Variants in HYCC1 observed in about 807,000 individuals in gnomAD.
HYCC1 encodes the protein hyccin.
the HYCC1 span, among the ~76,000 whole-genome samples, chr7:22,981,454 G>A: frequency 6.6e-6 from 1 of 152,088 alleles, no homozygotes; most frequent in South Asian, 2.1e-4. Context: ...AACAGCAAAA[G>A]GGAGGTTAAA....
chr7:22,947,211 C>A, the HYCC1 span: 1 of 1,549,844 alleles, frequency 6.5e-7, no homozygotes, highest in East Asian at 2.4e-5. Flanking sequence ...GACAAGGATG[C>A]CCAATTCAGT....
At chr7:22,969,282 C>T in the HYCC1 span, among the ~76,000 whole-genome samples, 1 of 151,418 alleles carries the variant, frequency 6.6e-6, no homozygotes, top group South Asian at 2.1e-4. Flanking sequence ...TCAAGTGACT[C>T]TCATGCCCCA....
chr7:23,003,036 T>C, the HYCC1 span, among the ~76,000 whole-genome samples: 1 of 152,188 alleles, frequency 6.6e-6, no homozygotes, highest in Non-Finnish European at 1.5e-5. Flanking sequence ...CCCATCCTAA[T>C]TACCTCATTT....
At chr7:22,984,000 C>T in the HYCC1 span, 1 of 1,609,366 alleles carries the variant, frequency 6.2e-7, no homozygotes, top group Non-Finnish European at 8.5e-7. Flanking sequence ...GAACTCTTGT[C>T]TTTCAAATTT....
chr7:22,937,857 GA>G, the HYCC1 span: 23 of 152,188 alleles, frequency 1.5e-4, no homozygotes, highest in Admixed American at 1.5e-3. Context: ...AGAAGCTACA[GA>G]AATCTTTGCG....
the HYCC1 span, among the ~76,000 whole-genome samples, chr7:22,923,277 T>C: frequency 0.2 from 29,846 of 152,062 alleles, 3,485 homozygotes; most frequent in Non-Finnish European, 0.27. Context: ...TTCACAAATA[T>C]GTAGAAATAA....
the HYCC1 span, among the ~76,000 whole-genome samples, chr7:22,954,080 C>T: frequency 6.6e-6 from 1 of 151,450 alleles, no homozygotes; most frequent in Non-Finnish European, 1.5e-5. Context: ...TGCTTCTTAA[C>T]TGTTAGCAAC....
the HYCC1 span, among the ~76,000 whole-genome samples, chr7:22,964,733 G>C: frequency 6.6e-6 from 1 of 152,134 alleles, no homozygotes; most frequent in African/African-American, 2.4e-5. Context: ...TAAAGCTGAG[G>C]TATGTTGATA....
the HYCC1 span, among the ~76,000 whole-genome samples, chr7:22,930,164 G>T: frequency 7.1e-6 from 1 of 141,356 alleles, no homozygotes. Flanking sequence ...GACACAGGAA[G>T]GGGAACATCA....
At chr7:22,945,864 T>C in the HYCC1 span, 6 of 1,613,844 alleles carry the variant, frequency 3.7e-6, no homozygotes, top group Admixed American at 1.0e-4. Flanking sequence ...AGGGATTGGC[T>C]GGTTGTTAAA....
chr7:23,008,692 T>C, the HYCC1 span, among the ~76,000 whole-genome samples: 6 of 151,740 alleles, frequency 4.0e-5, no homozygotes, highest in African/African-American at 9.7e-5. Flanking sequence ...TTAAACTAAA[T>C]AGAAAAACCT....
chr7:23,007,421 C>A, the HYCC1 span, among the ~76,000 whole-genome samples: 1 of 152,088 alleles, frequency 6.6e-6, no homozygotes, highest in Non-Finnish European at 1.5e-5. Flanking sequence ...CTTCACCTCA[C>A]AAAGTTATAT....
chr7:22,981,804 G>A, the HYCC1 span, among the ~76,000 whole-genome samples: 5 of 152,166 alleles, frequency 3.3e-5, no homozygotes, highest in South Asian at 8.3e-4. Flanking sequence ...TTTGTGTGGT[G>A]CCTCACACAT....
At chr7:22,976,559 C>G in the HYCC1 span, 2 of 712,192 alleles carry the variant, frequency 2.8e-6, no homozygotes, top group Non-Finnish European at 5.0e-6. Flanking sequence ...ATCTGTTTTT[C>G]TCTTGTATAA....
chr7:22,941,645 C>A, the HYCC1 span: 4 of 152,024 alleles, frequency 2.6e-5, no homozygotes, highest in Non-Finnish European at 5.9e-5. Context: ...TAAAAAAACA[C>A]AAAAACATCT....
At chr7:22,956,884 A>T in the HYCC1 span, among the ~76,000 whole-genome samples, 1 of 151,988 alleles carries the variant, frequency 6.6e-6, no homozygotes. Context: ...ATGGCCAGAG[A>T]TGCGTATTCT....
chr7:22,917,290 T>C, the HYCC1 span, among the ~76,000 whole-genome samples: 454 of 152,360 alleles, frequency 3.0e-3, 2 homozygotes, highest in African/African-American at 9.9e-3. Flanking sequence ...TTCTATTCTG[T>C]TGTCATTTCA....
At chr7:22,998,372 G>C in the HYCC1 span, among the ~76,000 whole-genome samples, 1 of 152,108 alleles carries the variant, frequency 6.6e-6, no homozygotes, top group African/African-American at 2.4e-5. Context: ...TTTTAGATAA[G>C]AGCAGACAGA....
At chr7:22,956,868 A>G in the HYCC1 span, among the ~76,000 whole-genome samples, 1 of 151,978 alleles carries the variant, frequency 6.6e-6, no homozygotes, top group Non-Finnish European at 1.5e-5. Context: ...TAACAACAGC[A>G]AAACCATGGC....
Sources: gnomAD v4.1 joint callset for allele counts (sites outside exome capture counted in the v4.1 genomes callset) on GRCh38, gnomAD v4.1.1 for gene constraint, MANE v1.5 for transcripts, NCBI Gene and HGNC (gene_info 2026-07-23, HGNC 2026-07-21) for gene names.